The following ARPC2 variants were observed in gnomAD, a reference collection of about 807,000 sequenced individuals.
ARPC2 encodes actin related protein 2/3 complex subunit 2, also known as actin-related protein 2/3 complex subunit 2.
Under a neutral mutation model 38.6 loss-of-function variants are expected in ARPC2, and 4 were observed. The ratio of observed to expected loss-of-function variants is 0.10; its 90% CI spans 0.05 to 0.24. The LOEUF is 0.24. Among genes scored for constraint, ARPC2 ranks in the 10% least tolerant of loss-of-function variants. ARPC2 has a pLI of 1.00. For missense variants in ARPC2, 229 were observed against 387.3 expected (o/e 0.59, Z 3.43); for synonymous variants, 125 against 140.8 (o/e 0.89, Z 0.79).
chr2:218,233,938 G>A (rs745752943), intron 4 of ARPC2: 75 of 156,152 alleles, frequency 4.8e-4, no homozygotes, highest in Admixed American at 3.2e-3. Flanking sequence ...GACGAGGCGG[G>A]TGGATCATCC....
At chr2:218,223,492 T>A (rs990983082) in intron 2 of ARPC2, among the ~76,000 whole-genome samples, 1 of 152,242 alleles carries the variant, frequency 6.6e-6, no homozygotes, top group African/African-American at 2.4e-5. Flanking sequence ...GTGACCTTGG[T>A]GTTTCTTTGC....
intron 5 of ARPC2, 118 bp from the exon 6 acceptor site, chr2:218,238,546 T>C: frequency 1.4e-6 from 1 of 703,330 alleles, no homozygotes; most frequent in East Asian, 2.7e-5. Context: ...AAGATTTTTT[T>C]AGTTGCCTCT....
At chr2:218,236,973 A>C (rs956070596) in intron 5 of ARPC2, among the ~76,000 whole-genome samples, 1 of 152,136 alleles carries the variant, frequency 6.6e-6, no homozygotes, top group Non-Finnish European at 1.5e-5. Context: ...ATCTCTAGGC[A>C]GTTTGACACT....
chr2:218,239,388 C>T lies in ARPC2; in HGVS notation c.456-3C>T. 2 of 1,609,554 alleles carry T rather than the reference C, an allele frequency of 1.2e-6. No individual in the cohort carries two copies. Among genetic ancestry groups the T allele is most frequent in the Non-Finnish European group, 8.5e-7 (1 of 1,175,940 alleles). ...TTATCCTCATGGATTTTGTTCCTCTCAGGTATGTTGAGTCTAAAAAGGACA... is the reference window on the plus strand; with the variant it reads ...TTATCCTCATGGATTTTGTTCCTCTTAGGTATGTTGAGTCTAAAAAGGACA... On this transcript the variant is annotated splice_polypyrimidine_tract_variant and splice_region_variant and intron_variant, in intron 6 of 10. Transcript: ENST00000315717.
chr2:218,238,529 C>T, intron 5 of ARPC2, 135 bp from the exon 6 acceptor site: 1 of 596,908 alleles, frequency 1.7e-6, no homozygotes, highest in Non-Finnish European at 2.8e-6. Flanking sequence ...TCAATAGAAC[C>T]TGAAAAAAGA....
At chr2:218,240,924 G>A (rs1325647938) in intron 7 of ARPC2, among the ~76,000 whole-genome samples, 1 of 152,040 alleles carries the variant, frequency 6.6e-6, no homozygotes, top group East Asian at 1.9e-4. Context: ...GAGTTAGCAG[G>A]GCATTTTGTA....
At position 218,253,887 on chromosome 2, in the gene ARPC2, G is replaced by GA; in HGVS notation, c.879-2dup. ...GACCTTCGCACTTATCTCTCCTTTTGAAGGGGGAAGACGTTTTCATCCCGC... is the reference window on the plus strand; with the variant it reads ...GACCTTCGCACTTATCTCTCCTTTTGAAAGGGGGAAGACGTTTTCATCCCGC... On this transcript the variant is annotated splice_region_variant and splice_polypyrimidine_tract_variant and intron_variant, in intron 10 of 10. Transcript: ENST00000315717. The GA allele has an allele frequency of 6.2e-7, 1 of 1,613,826 alleles. No individual in the cohort carries two copies.
chr2:218,253,664 A>G (rs1338125509), intron 10 of ARPC2, among the ~76,000 whole-genome samples: 3 of 152,208 alleles, frequency 2.0e-5, no homozygotes, highest in Non-Finnish European at 4.4e-5. Flanking sequence ...TAACACTGAT[A>G]TTCCCGGGCA....
rs192816633 is a variant in ARPC2 at position 218,243,038 on chromosome 2, G to A, written c.550-2382G>A. 4.9e-3 allele frequency among the ~76,000 whole-genome samples: 742 copies of A among 152,222 alleles called. 3 individuals are homozygous for A. The highest frequency in any genetic ancestry group is 8.5e-3 in the Non-Finnish European group (575 of 68,006). The stretch of plus-strand genomic sequence containing the variant: ...GGTAGAAAGCCCTTCCCTACTCGAA[G>A]GTTATAAAGAAATTTACCTGTTATT... On this transcript the variant is annotated intron_variant, in intron 7 of 10. Coordinates refer to ENST00000315717, the MANE Select transcript of ARPC2 (RefSeq NM_152862.3).
rs964492261 is a variant in ARPC2, at chr2:218,234,226, A to G, written c.223-126A>G. Reference sequence around the variant, plus strand: ...CCCCTCTGTCTCTACTTTCCCATCCACCAAATGAAAGTTAGGAAGAATGCC... The same window carrying G: ...CCCCTCTGTCTCTACTTTCCCATCCGCCAAATGAAAGTTAGGAAGAATGCC... On this transcript the variant is annotated intron_variant, in intron 4 of 10. Coordinates refer to ENST00000315717, the MANE Select transcript of ARPC2 (RefSeq NM_152862.3). 4.4e-6 allele frequency: 3 copies of G among 685,482 alleles called. No homozygotes were observed. The South Asian group carries it at 6.2e-5, about 14-fold the overall frequency. The allele number at this position is 685,482 out of a possible 1,614,324, so 42.5% of individuals were successfully genotyped here.
chr2:218,247,381 A>G (rs1185450708), intron 8 of ARPC2, among the ~76,000 whole-genome samples: 1 of 152,240 alleles, frequency 6.6e-6, no homozygotes, highest in Admixed American at 6.5e-5. Flanking sequence ...CTCCTTTGTG[A>G]AATGTAATTT....
chr2:218,217,722 A>G (rs1299333460), intron 2 of ARPC2, among the ~76,000 whole-genome samples, 178 bp downstream of exon 2: 1 of 152,166 alleles, frequency 6.6e-6, no homozygotes, highest in African/African-American at 2.4e-5. Context: ...CGAGGGGCAG[A>G]GATGCGTGGG....
intron 8 of ARPC2, 22 bp downstream of exon 8, chr2:218,245,568 C>T (rs1239521177): frequency 6.2e-7 from 1 of 1,613,482 alleles, no homozygotes; most frequent in Non-Finnish European, 8.5e-7. Context: ...GCACTTGCTG[C>T]TTTTGTGCCG....
rs1690257137 is a variant in ARPC2 at position 218,253,991 on chromosome 2, T to C, written c.*76T>C. The C allele has an allele frequency of 6.3e-7, 1 of 1,586,168 alleles. No individual in the cohort carries two copies. Among genetic ancestry groups the C allele is most frequent in the Admixed American group, 1.7e-5 (1 of 58,930 alleles). On this transcript the variant is annotated 3_prime_UTR_variant, in exon 11 of 11. Transcript: ENST00000315717. ...GCTACTGGATAATCGTAGCTTTTAATGTTGCGCCTCTTCAGGTTCTTAAGG... is the reference window on the plus strand; with the variant it reads ...GCTACTGGATAATCGTAGCTTTTAACGTTGCGCCTCTTCAGGTTCTTAAGG...
At chr2:218,234,425 A>C (rs756500364) in intron 5 of ARPC2, 28 bp downstream of exon 5, 1 of 1,551,926 alleles carries the variant, frequency 6.4e-7, no homozygotes, top group Non-Finnish European at 8.8e-7. Context: ...CAACTATGGA[A>C]TGACATGGGA....
intron 5 of ARPC2, among the ~76,000 whole-genome samples, chr2:218,236,985 A>T (rs976621971): frequency 6.6e-6 from 1 of 152,158 alleles, no homozygotes; most frequent in African/African-American, 2.4e-5. Flanking sequence ...TTTGACACTT[A>T]TTAATCATTT....
chr2:218,245,390 C>T (rs758122490), intron 7 of ARPC2, 30 bp from the exon 8 acceptor site: 53 of 1,613,454 alleles, frequency 3.3e-5, no homozygotes, highest in Non-Finnish European at 4.5e-5. Flanking sequence ...ACCCACTTCT[C>T]TTCTGGTTGC....
At chr2:218,238,180 C>T (rs1045827964) in intron 5 of ARPC2, among the ~76,000 whole-genome samples, 3 of 152,120 alleles carry the variant, frequency 2.0e-5, no homozygotes, top group Admixed American at 6.6e-5. Flanking sequence ...TGCAGTGGCA[C>T]GTAGAAGGGT....
At chr2:218,236,529 A>G (rs532125462) in intron 5 of ARPC2, 5 of 152,352 alleles carry the variant, frequency 3.3e-5, no homozygotes, top group African/African-American at 1.2e-4. Context: ...GCGGTGGCTT[A>G]TGCCTGTAAT....
Sources: gnomAD v4.1 joint callset for allele counts (sites outside exome capture counted in the v4.1 genomes callset) on GRCh38, gnomAD v4.1.1 for gene constraint, MANE v1.5 for transcripts, NCBI Gene and HGNC (gene_info 2026-07-23, HGNC 2026-07-21) for gene names.